Variants in BBS9 observed in about 807,000 individuals in gnomAD.
BBS9 encodes Bardet-Biedl syndrome 9.
Under a neutral mutation model 117.7 loss-of-function variants are expected in BBS9, and 89 were observed. The ratio of observed to expected loss-of-function variants is 0.76; its 90% CI spans 0.64 to 0.90. BBS9 has a LOEUF of 0.90. BBS9 is among the 40% of genes least tolerant of loss of function. The pLI is 0.00. For missense variants in BBS9, 982 were observed against 1,042.2 expected (o/e 0.94, Z 0.80); for synonymous variants, 379 against 370.9 (o/e 1.02, Z -0.25).
intron 14 of BBS9, 117 bp downstream of exon 14, chr7:33,351,440 C>G: frequency 1.3e-6 from 1 of 779,502 alleles, no homozygotes; most frequent in Middle Eastern, 2.8e-4. Context: ...ATGTTATTTT[C>G]TACTGTTAAG....
At chr7:33,362,631 A>G (rs1820833915) in intron 16 of BBS9, among the ~76,000 whole-genome samples, 1 of 152,170 alleles carries the variant, frequency 6.6e-6, no homozygotes, top group African/African-American at 2.4e-5. Context: ...GTCTATTGCT[A>G]TATACCAATA....
intron 9 of BBS9, among the ~76,000 whole-genome samples, chr7:33,334,492 C>T (rs1403877787): frequency 6.6e-6 from 1 of 152,108 alleles, no homozygotes; most frequent in Non-Finnish European, 1.5e-5. Context: ...GAACAGACTA[C>T]AGTCACAACT....
chr7:33,163,030 T>A (rs368965488), intron 4 of BBS9, among the ~76,000 whole-genome samples: 1 of 152,230 alleles, frequency 6.6e-6, no homozygotes, highest in African/African-American at 2.4e-5. Flanking sequence ...TTGAGAGTTG[T>A]TAGCATGAAG....
intron 21 of BBS9, among the ~76,000 whole-genome samples, chr7:33,554,721 G>A (rs145160463): frequency 1.4e-4 from 22 of 152,312 alleles, no homozygotes; most frequent in Non-Finnish European, 2.9e-4. Context: ...AGCCTGGGCT[G>A]CAGATGGACT....
chr7:33,590,475 T>TTTTA (rs1431588070), intron 21 of BBS9, among the ~76,000 whole-genome samples: 203 of 150,286 alleles, frequency 1.4e-3, no homozygotes, highest in Non-Finnish European at 2.1e-3. Flanking sequence ...TTTTTTTTTT[T>TTTTA]TTACCAGATC....
At chr7:33,481,971 A>G (rs757025341) in intron 19 of BBS9, among the ~76,000 whole-genome samples, 1 of 152,224 alleles carries the variant, frequency 6.6e-6, no homozygotes, top group Non-Finnish European at 1.5e-5. Flanking sequence ...AAATTGGCTT[A>G]TTAATGTCCA....
At chr7:33,512,436 A>G (rs1847104035) in intron 20 of BBS9, among the ~76,000 whole-genome samples, 1 of 152,224 alleles carries the variant, frequency 6.6e-6, no homozygotes, top group Admixed American at 6.5e-5. Context: ...TAAAGAATTA[A>G]TTGAAGCATC....
chr7:33,253,057 A>G (rs1343398288), intron 5 of BBS9, among the ~76,000 whole-genome samples: 1 of 152,146 alleles, frequency 6.6e-6, no homozygotes, highest in Non-Finnish European at 1.5e-5. Context: ...ATTCTCTTAC[A>G]TTTCACAACG....
chr7:33,289,887 C>T (rs997677704), intron 9 of BBS9, among the ~76,000 whole-genome samples: 4 of 151,928 alleles, frequency 2.6e-5, no homozygotes, highest in African/African-American at 9.7e-5. Flanking sequence ...ACTAAAAATA[C>T]AAAAATTAGC....
intron 17 of BBS9, among the ~76,000 whole-genome samples, chr7:33,373,649 G>A (rs996925268): frequency 1.4e-4 from 22 of 152,184 alleles, no homozygotes; most frequent in African/African-American, 4.8e-4. Context: ...CTAATGTGTA[G>A]CAAATTGGTA....
intron 9 of BBS9, 144 bp downstream of exon 9, chr7:33,274,100 A>G: frequency 2.3e-6 from 2 of 871,198 alleles, no homozygotes; most frequent in Non-Finnish European, 3.5e-6. Flanking sequence ...AAGTAATTTA[A>G]AATATAACTT....
chr7:33,408,660 G>A (rs1374041886), intron 19 of BBS9, among the ~76,000 whole-genome samples: 20 of 152,206 alleles, frequency 1.3e-4, no homozygotes, highest in African/African-American at 3.9e-4. Flanking sequence ...TGTGAATAAT[G>A]TGGTGATGAA....
chr7:33,525,192 T>A (rs1849290518), intron 20 of BBS9, among the ~76,000 whole-genome samples: 1 of 151,914 alleles, frequency 6.6e-6, no homozygotes. Context: ...TTGGAATAGG[T>A]GTGGTGTGGT....
At chr7:33,496,786 T>A (rs1844782367) in intron 19 of BBS9, among the ~76,000 whole-genome samples, 2 of 152,228 alleles carry the variant, frequency 1.3e-5, no homozygotes, top group Admixed American at 1.3e-4. Context: ...AGTTATAAGC[T>A]TGCTACCCAA....
intron 20 of BBS9, among the ~76,000 whole-genome samples, chr7:33,507,370 A>G (rs1276064585): frequency 1.3e-5 from 2 of 152,060 alleles, no homozygotes; most frequent in African/African-American, 4.8e-5. Context: ...CCTCCAGAGT[A>G]GCTGGGATTA....
chr7:33,534,812 A>G (rs1585162149), intron 21 of BBS9, among the ~76,000 whole-genome samples: 1 of 152,128 alleles, frequency 6.6e-6, no homozygotes, highest in Admixed American at 6.5e-5. Context: ...TCTTAGGCGC[A>G]GCAGTTCCCA....
intron 14 of BBS9, 196 bp downstream of exon 14, chr7:33,351,519 A>G (rs192562413): frequency 5.0e-6 from 3 of 600,386 alleles, no homozygotes; most frequent in East Asian, 3.1e-5. Flanking sequence ...GCTGATTTCC[A>G]TATGTAATGT....
At chr7:33,409,747 A>G (rs559826436) in intron 19 of BBS9, among the ~76,000 whole-genome samples, 2 of 152,080 alleles carry the variant, frequency 1.3e-5, no homozygotes, top group East Asian at 1.9e-4. Context: ...TTTATTTTGC[A>G]TTTTCCTAAC....
At chr7:33,437,206 G>A (rs1584823631) in intron 19 of BBS9, among the ~76,000 whole-genome samples, 1 of 152,268 alleles carries the variant, frequency 6.6e-6, no homozygotes, top group African/African-American at 2.4e-5. Flanking sequence ...TTTCTATTGA[G>A]GTAAATTGAG....
Sources: gnomAD v4.1 joint callset for allele counts (sites outside exome capture counted in the v4.1 genomes callset) on GRCh38, gnomAD v4.1.1 for gene constraint, MANE v1.5 for transcripts, NCBI Gene and HGNC (gene_info 2026-07-23, HGNC 2026-07-21) for gene names.